EDA: variants seen among roughly 807,000 people sequenced by gnomAD.
EDA encodes the protein ectodysplasin A.
In EDA, 2 loss-of-function variants were observed where a neutral mutation model predicts 23.6. The ratio of observed to expected loss-of-function variants is 0.08; its 90% confidence interval spans 0.03 to 0.27. The LOEUF is 0.27. Ranked by LOEUF, EDA falls within the 10% of genes least tolerant of loss-of-function variation. EDA has a pLI of 1.00. For synonymous variants in EDA, 131 were observed against 132.0 expected (o/e 0.99, Z 0.05); for missense variants, 229 against 324.2 (o/e 0.71, Z 2.26).
At chrX:69,842,875 C>A (rs1228153401) in intron 1 of EDA, among the ~76,000 whole-genome samples, 1 of 111,669 alleles carries the variant, frequency 9.0e-6, no homozygotes, top group East Asian at 2.8e-4. Context: ...CCCTGCTCCA[C>A]CTTTGCCTTC....
intron 1 of EDA, among the ~76,000 whole-genome samples, chrX:69,627,381 A>AT (rs1247443311): frequency 1.8e-5 from 2 of 110,643 alleles, no homozygotes; most frequent in Non-Finnish European, 3.8e-5. Context: ...CCTACTTAGA[A>AT]TTTTTTTCAG....
chrX:69,870,959 C>T (rs767105610), intron 1 of EDA, among the ~76,000 whole-genome samples: 2 of 111,461 alleles, frequency 1.8e-5, no homozygotes, highest in South Asian at 7.7e-4. Flanking sequence ...TTTCTTTCAT[C>T]ACTTTTTCCA....
In EDA at chrX:69,983,797, G is replaced by A. The variant is rs371062622; in HGVS notation, c.502+26665G>A. Among the ~76,000 whole-genome samples the A allele has an allele frequency of 2.1e-3, 212 of 100,936 alleles. 3 individuals are homozygous for A. In the East Asian group the frequency reaches 0.034, roughly 16 times the overall value. The allele number at this position is 100,936 out of a possible 115,157, so 87.7% of individuals were successfully genotyped here. A position where few individuals can be genotyped will look rare whatever the true frequency, so the allele number is the denominator to read the frequency against. On this transcript the variant is annotated intron_variant, in intron 2 of 7. Coordinates refer to ENST00000374552, the MANE Select transcript of EDA (RefSeq NM_001399.5). ...TTCTCTGTATTTCCTGAATCTGAAC[G>A]TTGGCCTGCCTTGCTAGATTGGGGA...
At chrX:70,017,133 A>G (rs1237994007) in intron 2 of EDA, among the ~76,000 whole-genome samples, 1 of 111,853 alleles carries the variant, frequency 8.9e-6, no homozygotes, top group Non-Finnish European at 1.9e-5. Context: ...TCCTGGAAAC[A>G]TACAACCTCC....
chrX:69,838,796 G>T (rs1410731680), intron 1 of EDA, among the ~76,000 whole-genome samples: 4 of 111,685 alleles, frequency 3.6e-5, no homozygotes, highest in Non-Finnish European at 5.6e-5. Flanking sequence ...CCTCAAGACT[G>T]CCTATCTCTC....
chrX:70,000,199 G>A (rs780557928), intron 2 of EDA, among the ~76,000 whole-genome samples: 1 of 112,233 alleles, frequency 8.9e-6, no homozygotes, highest in East Asian at 2.8e-4. Context: ...AACTGCTGAT[G>A]TTCAACATTA....
intron 1 of EDA, chrX:69,861,039 A>G (rs767869360): frequency 4.1e-6 from 2 of 485,744 alleles, no homozygotes; most frequent in Non-Finnish European, 7.4e-6. Flanking sequence ...CCACTAAGTG[A>G]AATAAAGATG....
rs1407923527 is a variant in EDA at position 70,036,739 on chromosome X, C to T, written c.*1130C>T. The T allele has an allele frequency of 8.9e-6, 1 of 112,555 alleles. No homozygotes were observed. The highest frequency in any genetic ancestry group is 1.9e-5 in the Non-Finnish European group (1 of 53,307). 9.3% of individuals were successfully genotyped at this position (112,555 alleles called of 1,213,427 possible). A position where few individuals can be genotyped will look rare whatever the true frequency, so the allele number is the denominator to read the frequency against. On this transcript the variant is annotated 3_prime_UTR_variant, in exon 8 of 8. Transcript: ENST00000374552. ...CATTAGCAAGGCAGAGCCTTTTTAC[C>T]TGGCCTAGAAAGGGCAAGGGGTGAG...
chrX:70,020,845 G>C (rs2020023659), intron 2 of EDA, among the ~76,000 whole-genome samples: 1 of 111,731 alleles, frequency 9.0e-6, no homozygotes, highest in South Asian at 3.7e-4. Flanking sequence ...ATCCCATTTT[G>C]TAAAAATACC....
At chrX:69,930,372 A>G (rs1028830398) in intron 1 of EDA, among the ~76,000 whole-genome samples, 4 of 111,298 alleles carry the variant, frequency 3.6e-5, no homozygotes, top group Admixed American at 9.6e-5. Context: ...TTAATGGGGA[A>G]ATATCAATGT....
At chrX:70,028,117 T>A in intron 4 of EDA, 81 bp downstream of exon 4, 1 of 1,153,349 alleles carries the variant, frequency 8.7e-7, no homozygotes, top group Non-Finnish European at 1.2e-6. Context: ...CTGAGAGCAG[T>A]TTCAAACGGT....
intron 3 of EDA, among the ~76,000 whole-genome samples, chrX:70,023,638 C>T (rs1356265356): frequency 2.0e-5 from 2 of 101,819 alleles, no homozygotes; most frequent in Non-Finnish European, 4.1e-5. Flanking sequence ...TACAGGCACT[C>T]GCTTTTATCC....
chrX:69,980,318 G>A (rs1397124464), intron 2 of EDA, among the ~76,000 whole-genome samples: 2 of 111,456 alleles, frequency 1.8e-5, no homozygotes, highest in East Asian at 5.6e-4. Flanking sequence ...CCTTAACATC[G>A]AACTAACCTG....
chrX:69,737,201 G>T (rs1049052126), intron 1 of EDA, among the ~76,000 whole-genome samples: 2 of 111,937 alleles, frequency 1.8e-5, no homozygotes, highest in African/African-American at 6.5e-5. Flanking sequence ...ACAATTTCTG[G>T]CTTTAAATTT....
chrX:69,616,819 A>G, intron 1 of EDA, 115 bp downstream of exon 1: 1 of 1,005,912 alleles, frequency 9.9e-7, no homozygotes, highest in South Asian at 2.1e-5. Context: ...AGAGGGCAGG[A>G]CCAGGGAGGG....
chrX:69,851,692 T>C (rs906676831), intron 1 of EDA, among the ~76,000 whole-genome samples: 1 of 112,175 alleles, frequency 8.9e-6, no homozygotes, highest in African/African-American at 3.2e-5. Context: ...CAAGAACTTT[T>C]ATTTCTCCCT....
chrX:70,019,431 G>A (rs1343401591), intron 2 of EDA, among the ~76,000 whole-genome samples: 4 of 112,209 alleles, frequency 3.6e-5, no homozygotes, highest in South Asian at 7.4e-4. Flanking sequence ...TAGCAAAGAT[G>A]TGGAATCAGC....
chrX:69,769,014 A>T (rs1318573656), intron 1 of EDA, among the ~76,000 whole-genome samples: 2 of 111,796 alleles, frequency 1.8e-5, no homozygotes, highest in Non-Finnish European at 3.8e-5. Context: ...TGTTCTTGAC[A>T]TCTAATTTAT....
intron 1 of EDA, among the ~76,000 whole-genome samples, chrX:69,706,957 G>A (rs1284752246): frequency 9.0e-6 from 1 of 111,420 alleles, no homozygotes; most frequent in South Asian, 3.8e-4. Context: ...TCAGGTGGTT[G>A]GGGGGTACCT....
Sources: allele counts gnomAD v4.1 joint callset (sites outside exome capture counted in the v4.1 genomes callset), GRCh38; gene constraint gnomAD v4.1.1; transcripts MANE v1.5; gene names NCBI Gene and HGNC (gene_info 2026-07-23, HGNC 2026-07-21).